The following KNDC1 variants were observed in gnomAD, a reference collection of about 807,000 sequenced individuals.
KNDC1 encodes the protein kinase non-catalytic C-lobe domain containing 1, also known as kinase non-catalytic C-lobe domain-containing protein 1.
A neutral mutation model predicts 172.8 loss-of-function variants in KNDC1; 106 were observed. The observed-to-expected ratio is 0.61, with a 90% CI of 0.52 to 0.72. KNDC1 has a LOEUF of 0.72. Ranked by LOEUF, KNDC1 falls within the 30% of genes least tolerant of loss-of-function variation. The pLI is 0.00. For synonymous variants in KNDC1, 1,083 were observed against 1,062.2 expected, an observed-to-expected ratio of 1.02 and a Z score of -0.38; for missense variants, 2,325 against 2,394.5, an observed-to-expected ratio of 0.97 and a Z score of 0.61.
chr10:133,166,995 C>T (rs531547600), intron 1 of KNDC1, among the ~76,000 whole-genome samples: 1 of 152,308 alleles, frequency 6.6e-6, no homozygotes, highest in East Asian at 1.9e-4. Context: ...TTGGGGATGT[C>T]CACTCCGTCG....
chr10:133,200,110 G>C (rs1053191088), intron 15 of KNDC1, among the ~76,000 whole-genome samples: 7 of 152,148 alleles, frequency 4.6e-5, no homozygotes, highest in African/African-American at 1.7e-4. Context: ...ACACAGCTGT[G>C]AGCAAGGGCA....
intron 9 of KNDC1, among the ~76,000 whole-genome samples, chr10:133,193,103 G>A (rs1027762355): frequency 1.9e-5 from 1 of 53,474 alleles, no homozygotes; most frequent in South Asian, 1.9e-3. Context: ...TACACATATG[G>A]GGGGGGAAAA....
chr10:133,213,270 C>G (rs1845408167), intron 24 of KNDC1, among the ~76,000 whole-genome samples: 1 of 152,232 alleles, frequency 6.6e-6, no homozygotes, highest in African/African-American at 2.4e-5. Flanking sequence ...GCTGGGCCAA[C>G]CCGGTTCCTT....
At chr10:133,181,193 G>A (rs925985233) in intron 3 of KNDC1, among the ~76,000 whole-genome samples, 3 of 152,260 alleles carry the variant, frequency 2.0e-5, no homozygotes, top group African/African-American at 7.2e-5. Flanking sequence ...GCCACATGGG[G>A]CACCCAGGGA....
At chr10:133,216,485 T>C (rs1172786812) in intron 26 of KNDC1, among the ~76,000 whole-genome samples, 1 of 151,976 alleles carries the variant, frequency 6.6e-6, no homozygotes, top group Admixed American at 6.5e-5. Context: ...GGGATCAGCT[T>C]GGACAACATA....
chr10:133,210,781 G>A (rs574256959), intron 21 of KNDC1, 57 bp downstream of exon 21: 13 of 1,388,266 alleles, frequency 9.4e-6, no homozygotes, highest in Admixed American at 3.3e-5. Context: ...CAGGGTGGGC[G>A]CCCATGGGCC....
Position 133,210,706 on chromosome 10 carries a change from T to C in KNDC1, c.3890T>C (p.Ile1297Thr). The C allele has an allele frequency of 6.2e-7, 1 of 1,613,484 alleles. No homozygotes were observed. Among genetic ancestry groups the C allele is most frequent in the Non-Finnish European group, 8.5e-7 (1 of 1,179,412 alleles). Residue 1297 changes from isoleucine to threonine, a missense_variant, in exon 21 of 30, where the codon ATC (isoleucine) becomes ACC (threonine). Coordinates refer to ENST00000304613, the MANE Select transcript of KNDC1 (RefSeq NM_152643.8). Reference protein sequence around the residue: ...HDFLHFLLDRINSTLTRAHQD... With the variant: ...HDFLHFLLDRTNSTLTRAHQD... The stretch of plus-strand genomic sequence containing the variant: ...TTCCTGCACTTCCTCCTCGACCGCA[T>C]CAACAGCACGCTGACCAGGTACCAA...
intron 29 of KNDC1, among the ~76,000 whole-genome samples, chr10:133,222,174 T>A (rs1200055674): frequency 6.7e-6 from 1 of 148,820 alleles, no homozygotes; most frequent in East Asian, 2.0e-4. Flanking sequence ...TCCCAGCTAC[T>A]CGGGAGGCTG....
chr10:133,222,512 C>A (rs1845624125), intron 29 of KNDC1, among the ~76,000 whole-genome samples: 4 of 59,584 alleles, frequency 6.7e-5, no homozygotes, highest in African/African-American at 1.9e-4. Context: ...TGTGTGTGAG[C>A]CCATCCAGGC....
chr10:133,182,927 G>T (rs1233070526), intron 3 of KNDC1, among the ~76,000 whole-genome samples: 2 of 8,416 alleles, frequency 2.4e-4, no homozygotes, highest in Admixed American at 2.5e-3. Flanking sequence ...GGGCACGGAC[G>T]GTGTGGGCAC....
intron 17 of KNDC1, among the ~76,000 whole-genome samples, chr10:133,204,105 C>T (rs1373074688): frequency 2.6e-5 from 4 of 152,082 alleles, no homozygotes; most frequent in South Asian, 2.1e-4. Context: ...GGGGGCCGGA[C>T]GAGGGCCCCA....
chr10:133,183,896 A>G lies in KNDC1; in HGVS notation c.532A>G (p.Lys178Glu). ...GAGCATCATCGCGCTGTGTGAAGAGAAGCTGCAGCTCACATCCTCCTGTCG... is the reference window on the plus strand; with the variant it reads ...GAGCATCATCGCGCTGTGTGAAGAGGAGCTGCAGCTCACATCCTCCTGTCG... ...LESIIALCEE[K>E]LQLTSSCRVC... The change falls in exon 5 of 30, where the codon AAG becomes GAG. Residue 178 changes from lysine to glutamate, a missense_variant. By Grantham distance (56) the Lys-to-Glu change is moderately conservative. Coordinates refer to ENST00000304613, the MANE Select transcript of KNDC1 (RefSeq NM_152643.8). 1 of 1,598,518 alleles carries G rather than the reference A, an allele frequency of 6.3e-7. No individual in the cohort carries two copies. Among genetic ancestry groups the G allele is most frequent in the Middle Eastern group, 1.8e-4 (1 of 5,492 alleles).
At chr10:133,197,325 C>T (rs1854222418) in intron 11 of KNDC1, among the ~76,000 whole-genome samples, 190 bp downstream of exon 11, 1 of 151,564 alleles carries the variant, frequency 6.6e-6, no homozygotes, top group Admixed American at 6.6e-5. Context: ...CCACAGTGGC[C>T]CCCAGGGACC....
At position 133,183,861 on chromosome 10, in the gene KNDC1, C is replaced by T. The variant is rs779064594; in HGVS notation, c.508-11C>T. On this transcript the variant is annotated splice_polypyrimidine_tract_variant and intron_variant, in intron 4 of 29. Coordinates refer to ENST00000304613, the MANE Select transcript of KNDC1 (RefSeq NM_152643.8). ...TCCGAGCCTTCCTGTCTGAGGTGTT[C>T]CCGTCCCCAGAGCATCATCGCGCTG... is the stretch of plus-strand genomic sequence containing the variant. The T allele has an allele frequency of 1.5e-5, 23 of 1,558,256 alleles. No homozygotes were observed. Among genetic ancestry groups the T allele is most frequent in the South Asian group, 2.3e-5 (2 of 86,148 alleles).
Position 133,219,860 on chromosome 10 carries a change from C to A in KNDC1, c.4861-95C>A, listed in dbSNP as rs950515469. 3.1e-6 allele frequency: 4 copies of A among 1,278,206 alleles called. No homozygotes were observed. In the African/African-American group the frequency reaches 4.5e-5, roughly 14 times the overall value. The allele number at this position is 1,278,206 out of a possible 1,614,324, so 79.2% of individuals were successfully genotyped here. The stretch of plus-strand genomic sequence containing the variant: ...CCCCGTGCGTGGAGAACGCAGGACC[C>A]GCTGGGACTGGTTGGGCTGCGCTGG... On this transcript the variant is annotated intron_variant, in intron 28 of 29. Transcript: ENST00000304613.
chr10:133,187,028 T>A (rs540809579), intron 6 of KNDC1, among the ~76,000 whole-genome samples: 14 of 152,306 alleles, frequency 9.2e-5, no homozygotes, highest in African/African-American at 3.1e-4. Flanking sequence ...GTGATGTCAT[T>A]TCAGGGGCTC....
At chr10:133,165,545 C>T (rs565123844) in intron 1 of KNDC1, among the ~76,000 whole-genome samples, 7 of 152,336 alleles carry the variant, frequency 4.6e-5, no homozygotes, top group South Asian at 2.1e-4. Flanking sequence ...GCACAACCTA[C>T]GGGGTCCTCA....
intron 29 of KNDC1, among the ~76,000 whole-genome samples, chr10:133,221,204 C>T (rs185237715): frequency 6.6e-6 from 1 of 152,240 alleles, no homozygotes; most frequent in East Asian, 1.9e-4. Context: ...CCCCTTGAAA[C>T]CCCTCTCCCT....
chr10:133,162,461 A>G (rs182188617), intron 1 of KNDC1, among the ~76,000 whole-genome samples: 17 of 152,148 alleles, frequency 1.1e-4, no homozygotes, highest in Non-Finnish European at 2.4e-4. Flanking sequence ...AGATGTAGGA[A>G]CTCACTCATT....
Sources: allele counts gnomAD v4.1 joint callset (sites outside exome capture counted in the v4.1 genomes callset), GRCh38; gene constraint gnomAD v4.1.1; transcripts MANE v1.5; gene names NCBI Gene and HGNC (gene_info 2026-07-23, HGNC 2026-07-21).